Variants in GPHN observed in about 807,000 individuals in gnomAD.
The protein encoded by GPHN is gephyrin.
In GPHN, 17 loss-of-function variants were observed where a neutral mutation model predicts 95.5. The ratio of observed to expected loss-of-function variants is 0.18; its 90% CI spans 0.12 to 0.27. The LOEUF (loss-of-function observed/expected upper bound fraction) is 0.27, where lower values mean the gene tolerates loss of function less well. Among genes scored for constraint, GPHN ranks in the 10% least tolerant of loss-of-function variants. The probability of loss-of-function intolerance (pLI) is 1.00; values close to 1 mark genes in which losing one functional copy is unlikely to be tolerated. For missense variants in GPHN, 660 were observed against 978.1 expected, an observed-to-expected ratio of 0.67 and a Z score of 4.34; for synonymous variants, 320 against 322.5, an observed-to-expected ratio of 0.99 and a Z score of 0.08.
At chr14:66,907,585 C>T (rs991711581) in intron 5 of GPHN, among the ~76,000 whole-genome samples, 1 of 152,004 alleles carries the variant, frequency 6.6e-6, no homozygotes. Context: ...TTTGATGGAT[C>T]CCAGAAAGCA....
the GPHN span, among the ~76,000 whole-genome samples, chr14:67,731,591 A>C: frequency 1.3e-5 from 2 of 151,970 alleles, no homozygotes; most frequent in South Asian, 2.1e-4. Flanking sequence ...ATATGTAATA[A>C]AATATACAGT....
chr14:66,887,167 T>G (rs1364689282), intron 5 of GPHN, among the ~76,000 whole-genome samples: 1 of 152,166 alleles, frequency 6.6e-6, no homozygotes, highest in Non-Finnish European at 1.5e-5. Flanking sequence ...TGCTGGAGTA[T>G]AATCAAATAC....
At chr14:67,674,589 C>T in the GPHN span, 4 of 976,728 alleles carry the variant, frequency 4.1e-6, no homozygotes, top group Non-Finnish European at 5.6e-6. Context: ...ATAACGGCGA[C>T]CGCCGCACCA....
At chr14:67,663,036 G>A in the GPHN span, 2 of 1,420,794 alleles carry the variant, frequency 1.4e-6, no homozygotes, top group Non-Finnish European at 1.8e-6. Context: ...TACTCGGCTT[G>A]CTGAGAGGCT....
At chr14:66,781,177 G>C (rs1212483282) in intron 3 of GPHN, among the ~76,000 whole-genome samples, 1 of 151,460 alleles carries the variant, frequency 6.6e-6, no homozygotes, top group Non-Finnish European at 1.5e-5. Flanking sequence ...GGCCCAATCA[G>C]AAGTCCCTTT....
chr14:67,064,457 T>G (rs931697280), intron 11 of GPHN, among the ~76,000 whole-genome samples: 1 of 152,042 alleles, frequency 6.6e-6, no homozygotes, highest in Non-Finnish European at 1.5e-5. Flanking sequence ...TAAAATGAGT[T>G]AGGGAGGATT....
the GPHN span, chr14:67,562,619 A>G: frequency 6.2e-7 from 1 of 1,612,920 alleles, no homozygotes; most frequent in Non-Finnish European, 8.5e-7. Flanking sequence ...GTTGGCCAAA[A>G]GGCACCACAG....
the GPHN span, chr14:67,323,883 G>C: frequency 2.5e-6 from 2 of 794,936 alleles, no homozygotes. Context: ...AATTTGTCCT[G>C]GTGCTTAAAA....
At chr14:67,380,786 T>C in the GPHN span, 9 of 1,392,442 alleles carry the variant, frequency 6.5e-6, no homozygotes, top group African/African-American at 8.9e-5. Context: ...TTTTAAATGA[T>C]TTTTACAGTA....
intron 1 of GPHN, among the ~76,000 whole-genome samples, chr14:66,546,260 G>A (rs535454255): frequency 3.3e-5 from 5 of 151,720 alleles, no homozygotes; most frequent in Non-Finnish European, 7.4e-5. Flanking sequence ...GATGGCGGCC[G>A]GGCAGAGACG....
chr14:67,506,135 C>T, the GPHN span, among the ~76,000 whole-genome samples: 4 of 152,194 alleles, frequency 2.6e-5, no homozygotes, highest in African/African-American at 7.2e-5. Context: ...TGAGCACTTT[C>T]CTGCCCCTCC....
the GPHN span, chr14:67,575,459 G>A: frequency 2.5e-6 from 4 of 1,603,198 alleles, no homozygotes; most frequent in Non-Finnish European, 2.6e-6. Context: ...TACTATCGGA[G>A]CCATGAGGAC....
At chr14:67,474,991 C>T in the GPHN span, among the ~76,000 whole-genome samples, 1 of 148,210 alleles carries the variant, frequency 6.7e-6, no homozygotes, top group Non-Finnish European at 1.5e-5. Context: ...TCTTGGCTCA[C>T]TGCAACCTCC....
the GPHN span, among the ~76,000 whole-genome samples, chr14:67,673,669 C>T: frequency 2.0e-5 from 3 of 152,216 alleles, no homozygotes; most frequent in South Asian, 6.2e-4. Flanking sequence ...CAAGCTCTGA[C>T]TCTTAAATAA....
At chr14:67,195,290 C>T in the GPHN span, among the ~76,000 whole-genome samples, 3 of 152,112 alleles carry the variant, frequency 2.0e-5, no homozygotes, top group African/African-American at 7.2e-5. Flanking sequence ...TCCTTGAATT[C>T]CTTCCTTTTC....
chr14:67,567,859 TC>T, the GPHN span, among the ~76,000 whole-genome samples: 1 of 152,244 alleles, frequency 6.6e-6, no homozygotes, highest in Non-Finnish European at 1.5e-5. Context: ...CCTTGGTGAC[TC>T]ACGTCACCTT....
At chr14:67,066,340 T>C (rs2076057242) in intron 11 of GPHN, among the ~76,000 whole-genome samples, 1 of 152,192 alleles carries the variant, frequency 6.6e-6, no homozygotes, top group East Asian at 1.9e-4. Context: ...ACCTGACCTT[T>C]CTCTCTGGCT....
At position 66,608,549 on chromosome 14, in the gene GPHN, C is replaced by A. The variant is rs541105464; in HGVS notation, c.65-72558C>A. On this transcript the variant is annotated intron_variant, in intron 1 of 22. Coordinates refer to ENST00000478722, the MANE Select transcript of GPHN (RefSeq NM_020806.5). ...AGTCTGGAATTTCTTTGTTAGTTTT[C>A]TTCCTCAGTGATCTGTCTAATCCTG... 3.5e-4 allele frequency among the ~76,000 whole-genome samples: 54 copies of A among 152,204 alleles called. No homozygotes were observed. The Middle Eastern group carries it at 0.02, about 58-fold the overall frequency.
At chr14:66,781,294 G>A (rs1040674897) in intron 3 of GPHN, among the ~76,000 whole-genome samples, 1 of 150,732 alleles carries the variant, frequency 6.6e-6, no homozygotes, top group African/African-American at 2.4e-5. Flanking sequence ...TCAGCACACT[G>A]CAACCTCTAC....
Sources: gnomAD v4.1 joint callset for allele counts (sites outside exome capture counted in the v4.1 genomes callset) on GRCh38, gnomAD v4.1.1 for gene constraint, MANE v1.5 for transcripts, NCBI Gene and HGNC (gene_info 2026-07-23, HGNC 2026-07-21) for gene names.